The following SLC35F3 variants were observed in gnomAD, a reference collection of about 807,000 sequenced individuals.
SLC35F3 encodes the protein putative thiamine transporter SLC35F3.
A neutral mutation model predicts 49.9 loss-of-function variants in SLC35F3; 25 were observed. That is an observed-to-expected ratio of 0.50 (90% CI 0.37 to 0.70). The LOEUF is 0.70. Among genes scored for constraint, SLC35F3 ranks in the 30% least tolerant of loss-of-function variants. The probability of loss-of-function intolerance (pLI) is 0.00; values close to 1 mark genes in which losing one functional copy is unlikely to be tolerated. For synonymous variants in SLC35F3, 275 were observed against 265.4 expected, an observed-to-expected ratio of 1.04 and a Z score of -0.35; for missense variants, 525 against 639.8, an observed-to-expected ratio of 0.82 and a Z score of 1.94.
chr1:234,312,590 C>T (rs916944558), intron 4 of SLC35F3, among the ~76,000 whole-genome samples: 6 of 152,162 alleles, frequency 3.9e-5, no homozygotes, highest in Admixed American at 2.0e-4. Flanking sequence ...GAGCTCACAG[C>T]CCAGGCCACT....
intron 2 of SLC35F3, among the ~76,000 whole-genome samples, chr1:234,230,017 T>C (rs868026827): frequency 8.5e-5 from 13 of 152,148 alleles, no homozygotes; most frequent in Non-Finnish European, 1.5e-4. Flanking sequence ...TGGCGAGACA[T>C]TTGGTTTTCC....
intron 2 of SLC35F3, among the ~76,000 whole-genome samples, chr1:233,917,669 T>C (rs1209746098): frequency 1.3e-5 from 2 of 152,248 alleles, no homozygotes; most frequent in Non-Finnish European, 2.9e-5. Flanking sequence ...ACCTTTTCTC[T>C]CTTGCACTAC....
intron 2 of SLC35F3, among the ~76,000 whole-genome samples, chr1:234,149,705 A>G (rs1229769898): frequency 1.3e-5 from 2 of 152,226 alleles, no homozygotes; most frequent in Non-Finnish European, 2.9e-5. Flanking sequence ...TCAAAAGAAT[A>G]TAAGCTGTCT....
chr1:234,134,984 T>C (rs1029886904), intron 2 of SLC35F3, among the ~76,000 whole-genome samples: 6 of 152,030 alleles, frequency 3.9e-5, no homozygotes, highest in African/African-American at 1.4e-4. Flanking sequence ...CCTCCCAAAG[T>C]GCTAGGATTA....
chr1:233,941,954 G>GTTTT (rs141578626), intron 2 of SLC35F3, among the ~76,000 whole-genome samples: 1 of 120,176 alleles, frequency 8.3e-6, no homozygotes, highest in Admixed American at 8.5e-5. Context: ...GTTGTTTTTT[G>GTTTT]TTTTTTTGTT....
chr1:233,961,101 A>T (rs966603772), intron 2 of SLC35F3, among the ~76,000 whole-genome samples: 3 of 152,102 alleles, frequency 2.0e-5, no homozygotes, highest in African/African-American at 7.2e-5. Context: ...GTTGGATCAC[A>T]TACTTCTTCA....
At chr1:233,976,275 C>G (rs1663078593) in intron 2 of SLC35F3, among the ~76,000 whole-genome samples, 1 of 152,112 alleles carries the variant, frequency 6.6e-6, no homozygotes, top group Non-Finnish European at 1.5e-5. Flanking sequence ...TGTCACTGAT[C>G]CTACTACACA....
rs180857008 is a variant in SLC35F3, at chr1:233,972,705, A to G, written c.283+66947A>G. Among the ~76,000 whole-genome samples, 538 of 152,366 alleles carry G rather than the reference A, an allele frequency of 3.5e-3. 1 individual carries two copies. Among genetic ancestry groups the G allele is most frequent in the Non-Finnish European group, 6.4e-3 (434 of 68,038 alleles). The stretch of plus-strand genomic sequence containing the variant: ...TTCAGAGGAGAGGTCAAGATGGACA[A>G]CGAAGGCCTTTTTCTCATTTCTCTG... On this transcript the variant is annotated intron_variant, in intron 2 of 7. Coordinates refer to ENST00000366618, the MANE Select transcript of SLC35F3 (RefSeq NM_173508.4).
chr1:233,965,363 A>T (rs1662886865), intron 2 of SLC35F3, among the ~76,000 whole-genome samples: 1 of 152,112 alleles, frequency 6.6e-6, no homozygotes, highest in African/African-American at 2.4e-5. Context: ...CCTGGTGCTC[A>T]CCTCTTTGTC....
intron 2 of SLC35F3, among the ~76,000 whole-genome samples, chr1:234,055,788 C>CT (rs1465008305): frequency 3.9e-5 from 6 of 152,154 alleles, no homozygotes; most frequent in African/African-American, 1.4e-4. Flanking sequence ...TTGGAACCCT[C>CT]TGTATTTTGT....
chr1:233,951,952 A>G (rs77894752), intron 2 of SLC35F3, among the ~76,000 whole-genome samples: 4,191 of 151,734 alleles, frequency 0.028, 188 homozygotes, highest in African/African-American at 0.096. Context: ...TGGGATTTCA[A>G]TTATATATAT....
intron 2 of SLC35F3, among the ~76,000 whole-genome samples, chr1:234,228,466 G>A (rs1667320507): frequency 6.6e-6 from 1 of 152,154 alleles, no homozygotes; most frequent in Non-Finnish European, 1.5e-5. Context: ...CTGAAAGATG[G>A]TAATCATGCT....
At chr1:234,174,456 G>A (rs895309258) in intron 2 of SLC35F3, among the ~76,000 whole-genome samples, 1 of 152,178 alleles carries the variant, frequency 6.6e-6, no homozygotes, top group South Asian at 2.1e-4. Flanking sequence ...TGCCAGGCAC[G>A]ATTTTATGCT....
In SLC35F3 at chr1:234,163,241, C is replaced by T. The variant is rs76548976; in HGVS notation, c.284-68176C>T. On this transcript the variant is annotated intron_variant, in intron 2 of 7. Transcript: ENST00000366618. The stretch of plus-strand genomic sequence containing the variant: ...CCGCAAGGTACATCATACAATACAC[C>T]TTAGATGTTGATGTTAGTACCTTCC... Among the ~76,000 whole-genome samples the T allele has an allele frequency of 6.1e-3, 930 of 152,252 alleles. 8 individuals are homozygous for T. The highest frequency in any genetic ancestry group is 0.022 in the African/African-American group (907 of 41,544).
At chr1:234,099,997 A>G (rs986548405) in intron 2 of SLC35F3, among the ~76,000 whole-genome samples, 1 of 152,348 alleles carries the variant, frequency 6.6e-6, no homozygotes, top group Middle Eastern at 3.4e-3. Context: ...TAATCCACAT[A>G]CTACTTTATA....
At chr1:234,113,201 C>CCA (rs1483736220) in intron 2 of SLC35F3, among the ~76,000 whole-genome samples, 1 of 152,222 alleles carries the variant, frequency 6.6e-6, no homozygotes, top group Non-Finnish European at 1.5e-5. Context: ...CTCCGTCCAA[C>CCA]CACAGACTAA....
intron 2 of SLC35F3, among the ~76,000 whole-genome samples, chr1:234,198,434 G>T (rs1666847631): frequency 6.6e-6 from 1 of 152,108 alleles, no homozygotes; most frequent in Non-Finnish European, 1.5e-5. Context: ...GGAATTGCTG[G>T]GTAGTATAGT....
chr1:234,030,908 G>A (rs779592801), intron 2 of SLC35F3, among the ~76,000 whole-genome samples: 2 of 152,172 alleles, frequency 1.3e-5, no homozygotes, highest in Admixed American at 1.3e-4. Context: ...TTAGGTCTCA[G>A]CTCAAATGGA....
intron 2 of SLC35F3, among the ~76,000 whole-genome samples, chr1:234,072,173 TGCTGG>T (rs1664721043): frequency 6.6e-6 from 1 of 152,254 alleles, no homozygotes; most frequent in Admixed American, 6.5e-5. Context: ...ATCCTAACAG[TGCTGG>T]TTTATTTTGG....
Sources: allele counts gnomAD v4.1 joint callset (sites outside exome capture counted in the v4.1 genomes callset), GRCh38; gene constraint gnomAD v4.1.1; transcripts MANE v1.5; gene names NCBI Gene and HGNC (gene_info 2026-07-23, HGNC 2026-07-21).